The following EPB41 variants were observed in gnomAD, a reference collection of about 807,000 sequenced individuals.
EPB41 encodes the protein erythrocyte membrane protein band 4.1.
EPB41 carries 65 observed loss-of-function variants against 108.0 expected under a neutral mutation model. That is an observed-to-expected ratio of 0.60 (90% CI 0.49 to 0.74). The LOEUF is 0.74. EPB41 is among the 30% of genes least tolerant of loss of function. The pLI, the probability that EPB41 is intolerant of heterozygous loss-of-function variation, is 0.00. For synonymous variants in EPB41, 336 were observed against 358.9 expected (o/e 0.94, Z 0.72); for missense variants, 875 against 1,037.0 (o/e 0.84, Z 2.15).
At chr1:29,074,836 T>G (rs1653169378) in intron 16 of EPB41, among the ~76,000 whole-genome samples, 1 of 152,186 alleles carries the variant, frequency 6.6e-6, no homozygotes, top group Non-Finnish European at 1.5e-5. Context: ...GATAACATTG[T>G]GGAGAAAACA....
intron 11 of EPB41, among the ~76,000 whole-genome samples, chr1:29,040,699 C>T (rs555028170): frequency 9.9e-5 from 15 of 152,252 alleles, no homozygotes; most frequent in African/African-American, 3.6e-4. Context: ...ACACAAATTT[C>T]GTGATTGTAT....
At chr1:29,068,684 T>C (rs1649690320) in intron 16 of EPB41, 2 of 1,133,178 alleles carry the variant, frequency 1.8e-6, no homozygotes, top group South Asian at 4.5e-5. Context: ...GACGGTATTG[T>C]TGTTGCATTG....
At chr1:28,923,078 C>G (rs2093212678) in intron 1 of EPB41, among the ~76,000 whole-genome samples, 1 of 150,158 alleles carries the variant, frequency 6.7e-6, no homozygotes, top group Admixed American at 6.6e-5. Flanking sequence ...TAGCCTTAAA[C>G]CTTTTTCTTC....
At chr1:29,084,652 C>G (rs1658056058) in intron 16 of EPB41, among the ~76,000 whole-genome samples, 1 of 152,170 alleles carries the variant, frequency 6.6e-6, no homozygotes, top group Non-Finnish European at 1.5e-5. Flanking sequence ...TAATAAATCT[C>G]TGACATTTTA....
chr1:29,046,989 C>T (rs755904849), intron 11 of EPB41, among the ~76,000 whole-genome samples: 68 of 152,094 alleles, frequency 4.5e-4, no homozygotes, highest in Non-Finnish European at 7.8e-4. Context: ...GTTTTAGTTT[C>T]GAGTTTATGC....
At chr1:29,058,485 G>A (rs1489938020) in intron 12 of EPB41, 104 bp from the exon 13 acceptor site, 65 of 996,854 alleles carry the variant, frequency 6.5e-5, no homozygotes, top group African/African-American at 3.2e-5. Flanking sequence ...ACGTATCAGC[G>A]TATTTCACAA....
Position 29,018,964 on chromosome 1 carries a change from A to G in EPB41, c.1124+522A>G, listed in dbSNP as rs1191976680. ...GGGAGTTATCAAGTGATCAAGAACA[A>G]GAGTTTACAGTCAGTCTGAGCTGGG... On this transcript the variant is annotated intron_variant, in intron 7 of 20. Transcript: ENST00000343067. The surrounding 1 kb of genome is among the most constrained non-coding windows in gnomAD (Gnocchi z 4.4). Among the ~76,000 whole-genome samples the G allele has an allele frequency of 6.6e-6, 1 of 152,206 alleles. No individual in the cohort carries two copies. The highest frequency in any genetic ancestry group is 1.5e-5 in the Non-Finnish European group (1 of 68,040).
intron 1 of EPB41, among the ~76,000 whole-genome samples, chr1:28,965,614 AATGACCTGGAGGT>A (rs768166889): frequency 2.0e-5 from 3 of 152,064 alleles, no homozygotes; most frequent in Non-Finnish European, 4.4e-5. Flanking sequence ...ATAAATGAAG[AATGACCTGGAGGT>A]TAGGTGGGAA....
At chr1:28,909,815 T>C (rs1361191310), upstream of EPB41, among the ~76,000 whole-genome samples, 3 of 150,846 alleles carry the variant, frequency 2.0e-5, no homozygotes, top group African/African-American at 7.3e-5. Context: ...ATAAATACAA[T>C]AGATAGATAG....
At chr1:29,022,372 T>TAAAAAAA (rs370103452) in intron 7 of EPB41, among the ~76,000 whole-genome samples, 28 of 111,264 alleles carry the variant, frequency 2.5e-4, no homozygotes, top group African/African-American at 6.8e-4. Context: ...ATTGATATAA[T>TAAAAAAA]AAAAAAAAAA....
intron 16 of EPB41, among the ~76,000 whole-genome samples, chr1:29,068,010 AAG>A (rs1649233161): frequency 6.6e-6 from 1 of 152,214 alleles, no homozygotes; most frequent in South Asian, 2.1e-4. Flanking sequence ...CTGTAGTAAC[AAG>A]AGTCATAAAG....
At chr1:28,911,031 T>G (rs551507289), upstream of EPB41, 2 of 985,398 alleles carry the variant, frequency 2.0e-6, no homozygotes, top group Admixed American at 1.2e-4. Context: ...TGGTACCTGA[T>G]GGCAGTCTCT....
chr1:28,942,299 C>G (rs1453999537), intron 1 of EPB41, among the ~76,000 whole-genome samples: 1 of 152,060 alleles, frequency 6.6e-6, no homozygotes, highest in African/African-American at 2.4e-5. Flanking sequence ...GGGCTCAGTC[C>G]CACAAGACTG....
chr1:28,893,887 A>C (rs1465227230), intron 1 of EPB41: 3 of 152,234 alleles, frequency 2.0e-5, no homozygotes, highest in Non-Finnish European at 4.4e-5. Context: ...ATTTTAATGC[A>C]TGTCCTGTGG....
At chr1:28,979,971 A>G (rs1305406681) in intron 1 of EPB41, among the ~76,000 whole-genome samples, 1 of 152,222 alleles carries the variant, frequency 6.6e-6, no homozygotes, top group African/African-American at 2.4e-5. Flanking sequence ...ACTTTGTTCC[A>G]TTCAACCCCA....
At position 28,949,502 on chromosome 1, in the gene EPB41, A is replaced by G. The variant is rs909176208; in HGVS notation, c.-8+34734A>G. Among the ~76,000 whole-genome samples the G allele has an allele frequency of 3.3e-5, 5 of 152,138 alleles. No homozygotes were observed. In the East Asian group the frequency reaches 7.7e-4, roughly 23 times the overall value. ...TATATATTACAACAGATAGATCTTT[A>G]AAAATATATTGTTTAGTTTTGCTTG... On this transcript the variant is annotated intron_variant, in intron 1 of 20. Coordinates refer to ENST00000343067, the MANE Select transcript of EPB41 (RefSeq NM_001376013.1).
intron 19 of EPB41, among the ~76,000 whole-genome samples, chr1:29,114,881 CA>C (rs1386740775): frequency 2.6e-5 from 4 of 152,048 alleles, no homozygotes; most frequent in Admixed American, 1.3e-4. Context: ...TAGGCTAGTG[CA>C]TGGCATATAA....
At chr1:29,084,929 T>A (rs1397768885) in intron 16 of EPB41, among the ~76,000 whole-genome samples, 1 of 152,146 alleles carries the variant, frequency 6.6e-6, no homozygotes, top group African/African-American at 2.4e-5. Context: ...TTTAGTTAAA[T>A]CCATAGGCTT....
chr1:29,087,323 C>T (rs1185168909), intron 16 of EPB41, among the ~76,000 whole-genome samples: 1 of 152,020 alleles, frequency 6.6e-6, no homozygotes, highest in Non-Finnish European at 1.5e-5. Context: ...CTCTGGATTG[C>T]ATTTGTTGGA....
Sources: gnomAD v4.1 joint callset for allele counts (sites outside exome capture counted in the v4.1 genomes callset) on GRCh38, gnomAD v4.1.1 for gene constraint, Gnocchi (gnomAD v3.1) non-coding constraint, MANE v1.5 for transcripts, NCBI Gene and HGNC (gene_info 2026-07-23, HGNC 2026-07-21) for gene names.